Variants in CDC25C observed in about 807,000 individuals in gnomAD.
CDC25C encodes cell division cycle 25C.
CDC25C carries 48 observed loss-of-function variants against 52.5 expected under a neutral mutation model. That is an observed-to-expected ratio of 0.91 (90% CI 0.72 to 1.16). The LOEUF is 1.16. Ranked by LOEUF, CDC25C falls within the 50% of genes most tolerant of loss-of-function variation. The probability of loss-of-function intolerance (pLI) is 0.00; values close to 1 mark genes in which losing one functional copy is unlikely to be tolerated. For synonymous variants in CDC25C, 187 were observed against 206.5 expected, an observed-to-expected ratio of 0.91 and a Z score of 0.81; for missense variants, 510 against 566.1, an observed-to-expected ratio of 0.90 and a Z score of 1.01.
Position 138,292,149 on chromosome 5 carries a change from C to T in CDC25C, c.616-33G>A, listed in dbSNP as rs1032611147. The T allele has an allele frequency of 2.5e-6, 4 of 1,594,120 alleles. No individual in the cohort carries two copies. The Admixed American group carries it at 6.9e-5, about 28-fold the overall frequency. On this transcript the variant is annotated intron_variant, in intron 7 of 13. Transcript: ENST00000323760. ...GGAATATTAAACCCCCTAGTTCTTACTCCTCCAAGTGTGTCTGCAGACCTG... is the reference window on the plus strand; with the variant it reads ...GGAATATTAAACCCCCTAGTTCTTATTCCTCCAAGTGTGTCTGCAGACCTG...
chr5:138,303,040 GC>G (rs1757751502), intron 7 of CDC25C, among the ~76,000 whole-genome samples: 2 of 152,152 alleles, frequency 1.3e-5, no homozygotes, highest in Admixed American at 1.3e-4. Flanking sequence ...ACGCACTCCA[GC>G]CTGGGCAAGA....
chr5:138,295,060 G>A lies in CDC25C; in HGVS notation c.616-2944C>T, dbSNP rs146632465. ...GGTTAAAGTACTTTTATCTTTTAAC[G>A]TATGGATTTCCAATTGCTCCAGCAC... On this transcript the variant is annotated intron_variant, in intron 7 of 13. Coordinates refer to ENST00000323760, the MANE Select transcript of CDC25C (RefSeq NM_001790.5). Among the ~76,000 whole-genome samples the A allele has an allele frequency of 2.8e-3, 423 of 152,254 alleles. 7 individuals are homozygous for A. Among genetic ancestry groups the A allele is most frequent in the African/African-American group, 9.5e-3 (395 of 41,538 alleles).
intron 8 of CDC25C, among the ~76,000 whole-genome samples, chr5:138,291,086 G>A (rs1482304485): frequency 1.3e-5 from 2 of 151,736 alleles, no homozygotes; most frequent in African/African-American, 2.4e-5. Flanking sequence ...TAAATAAGTT[G>A]ATTTTATAAA....
intron 1 of CDC25C, chr5:138,336,960 C>T (rs1404465905): frequency 3.9e-5 from 6 of 152,176 alleles, no homozygotes; most frequent in Non-Finnish European, 8.8e-5. Flanking sequence ...CAGCTGATCA[C>T]AGCTATTTAC....
intron 7 of CDC25C, among the ~76,000 whole-genome samples, chr5:138,300,507 G>C (rs1037624858): frequency 6.6e-6 from 1 of 151,906 alleles, no homozygotes; most frequent in African/African-American, 2.4e-5. Flanking sequence ...AGGCTGCAGT[G>C]AGCCGTGATT....
intron 8 of CDC25C, among the ~76,000 whole-genome samples, chr5:138,291,419 CTTTTT>C (rs572826668): frequency 7.2e-6 from 1 of 138,798 alleles, no homozygotes. Flanking sequence ...CAACATTTCT[CTTTTT>C]TTTTTTTTTT....
At chr5:138,334,528 T>C (rs181642662), upstream of CDC25C, among the ~76,000 whole-genome samples, 39 of 151,982 alleles carry the variant, frequency 2.6e-4, no homozygotes, top group East Asian at 2.9e-3. Context: ...ATTTTTGTAT[T>C]TTTAGTTGAG....
intron 7 of CDC25C, among the ~76,000 whole-genome samples, chr5:138,316,736 G>A (rs966892758): frequency 1.1e-4 from 16 of 152,140 alleles, no homozygotes; most frequent in African/African-American, 3.9e-4. Context: ...TCTGCTGAAA[G>A]CTGGGAAATC....
At chr5:138,328,550 T>A in intron 3 of CDC25C, 21 bp from the exon 4 acceptor site, 1 of 1,605,408 alleles carries the variant, frequency 6.2e-7, no homozygotes, top group Non-Finnish European at 8.5e-7. Context: ...ATATAAAGAA[T>A]CAGTAAAAGG....
chr5:138,313,159 T>C (rs1451607577), intron 7 of CDC25C, among the ~76,000 whole-genome samples: 1 of 151,930 alleles, frequency 6.6e-6, no homozygotes, highest in Non-Finnish European at 1.5e-5. Context: ...GCAGATCACC[T>C]GAGGTCAGAT....
intron 7 of CDC25C, among the ~76,000 whole-genome samples, chr5:138,318,955 G>A (rs1759122894): frequency 6.6e-6 from 1 of 152,108 alleles, no homozygotes; most frequent in African/African-American, 2.4e-5. Flanking sequence ...TTCAAATAAG[G>A]CAAACTCAAG....
At chr5:138,289,370 C>G in intron 10 of CDC25C, 131 bp downstream of exon 10, 1 of 655,072 alleles carries the variant, frequency 1.5e-6, no homozygotes, top group Non-Finnish European at 2.8e-6. Flanking sequence ...TTCAATATAA[C>G]TTCAGTTGAA....
At chr5:138,325,112 G>A (rs896192597) in intron 6 of CDC25C, among the ~76,000 whole-genome samples, 1 of 151,984 alleles carries the variant, frequency 6.6e-6, no homozygotes, top group Non-Finnish European at 1.5e-5. Flanking sequence ...GAGATTAGAA[G>A]GACAGTATTA....
chr5:138,338,274 T>G (rs1282323349), exon 1 of CDC25C: 1 of 935,140 alleles, frequency 1.1e-6, no homozygotes, highest in African/African-American at 1.7e-5. Context: ...TCAGAGCTGC[T>G]CCGGCCGCGG....
At chr5:138,316,525 G>A (rs1278216391) in intron 7 of CDC25C, among the ~76,000 whole-genome samples, 1 of 148,984 alleles carries the variant, frequency 6.7e-6, no homozygotes, top group African/African-American at 2.6e-5. Context: ...CCTTCAGGAC[G>A]GGGAGGGCTT....
rs1468664622 is a variant in CDC25C, at chr5:138,330,751, C to G, written c.194+236G>C. On this transcript the variant is annotated intron_variant, in intron 2 of 13. Coordinates refer to ENST00000323760, the MANE Select transcript of CDC25C (RefSeq NM_001790.5). ...CTTGAACTCCTAGACTCAGGCGATC[C>G]GCCCTCCTTGGCCTCCCAAAGTGCG... is the stretch of plus-strand genomic sequence containing the variant. Among the ~76,000 whole-genome samples, 4 of 152,332 alleles carry G rather than the reference C, an allele frequency of 2.6e-5. No homozygotes were observed. The South Asian group carries it at 8.3e-4, about 32-fold the overall frequency.
At chr5:138,338,252 C>A in exon 1 of CDC25C, 1 of 1,113,752 alleles carries the variant, frequency 9.0e-7, no homozygotes, top group Non-Finnish European at 1.2e-6. Context: ...CACCGTGGGG[C>A]GAACCGAGCG....
At chr5:138,307,490 C>CAAAAAAAAAAAAAAAAAAA (rs57593237) in intron 7 of CDC25C, among the ~76,000 whole-genome samples, 6 of 88,248 alleles carry the variant, frequency 6.8e-5, no homozygotes, top group Non-Finnish European at 1.2e-4. Flanking sequence ...GAGACTGCCA[C>CAAAAAAAAAAAAAAAAAAA]AAAAAAAAAA....
chr5:138,331,547 G>C, intron 1 of CDC25C, 48 bp downstream of exon 1: 1 of 1,073,378 alleles, frequency 9.3e-7, no homozygotes, highest in Non-Finnish European at 1.1e-6. Flanking sequence ...CCCTAAGGGG[G>C]ACAATGGGGT....
Sources: gnomAD v4.1 joint callset for allele counts (sites outside exome capture counted in the v4.1 genomes callset) on GRCh38, gnomAD v4.1.1 for gene constraint, MANE v1.5 for transcripts, NCBI Gene and HGNC (gene_info 2026-07-23, HGNC 2026-07-21) for gene names.